PTK2B: variants seen among roughly 807,000 people sequenced by gnomAD.
PTK2B encodes protein-tyrosine kinase 2-beta.
In PTK2B, 71 loss-of-function variants were observed where a neutral mutation model predicts 142.9. The ratio of observed to expected loss-of-function variants is 0.50; its 90% confidence interval spans 0.41 to 0.61. PTK2B has a LOEUF of 0.61. Ranked by LOEUF, PTK2B falls within the 20% of genes least tolerant of loss-of-function variation. The probability of loss-of-function intolerance (pLI) is 0.00; values close to 1 mark genes in which losing one functional copy is unlikely to be tolerated. For synonymous variants in PTK2B, 519 were observed against 503.4 expected (o/e 1.03, Z -0.42); for missense variants, 1,105 against 1,320.4 (o/e 0.84, Z 2.53).
In PTK2B at chr8:27,420,378, G is replaced by A. The variant is rs565161812; in HGVS notation, c.384-279G>A. 2.6e-5 allele frequency among the ~76,000 whole-genome samples: 4 copies of A among 152,328 alleles called. No individual in the cohort carries two copies. In the East Asian group the frequency reaches 7.7e-4, roughly 29 times the overall value. ...GATGGAAAGCCCAGGTCCAGGGCTA[G>A]CCTGTGAACCTAAGAGAAACAGCTG... is the stretch of plus-strand genomic sequence containing the variant. On this transcript the variant is annotated intron_variant, in intron 3 of 30. Transcript: ENST00000346049.
intron 2 of PTK2B, among the ~76,000 whole-genome samples, chr8:27,410,245 G>C (rs1242354855): frequency 6.6e-6 from 1 of 152,240 alleles, no homozygotes; most frequent in East Asian, 1.9e-4. Flanking sequence ...GTTGATGGGA[G>C]CTCCCAAGGC....
chr8:27,327,447 A>G (rs540114154), intron 1 of PTK2B, among the ~76,000 whole-genome samples: 1 of 152,112 alleles, frequency 6.6e-6, no homozygotes, highest in Non-Finnish European at 1.5e-5. Flanking sequence ...CATGAACTAC[A>G]TGGAACATAC....
rs752254413 is a variant in PTK2B, at chr8:27,435,716, C to T, written c.1193-27C>T. Reference sequence around the variant, plus strand: ...GTGCCCACCAAGGGCATCTTGTCCACGGCTGAGCCTCTTCCTGTTGTTCCA... The same window carrying T: ...GTGCCCACCAAGGGCATCTTGTCCATGGCTGAGCCTCTTCCTGTTGTTCCA... On this transcript the variant is annotated intron_variant, in intron 13 of 30. Coordinates refer to ENST00000346049, the MANE Select transcript of PTK2B (RefSeq NM_173176.3). 69 of 1,613,642 alleles carry T rather than the reference C, an allele frequency of 4.3e-5. 1 individual carries two copies. Among genetic ancestry groups the T allele is most frequent in the Admixed American group, 2.8e-4 (17 of 60,012 alleles).
At chr8:27,455,226 C>T (rs1209649253) in intron 30 of PTK2B, among the ~76,000 whole-genome samples, 1 of 151,978 alleles carries the variant, frequency 6.6e-6, no homozygotes, top group Non-Finnish European at 1.5e-5. Flanking sequence ...CCAGTGTTGT[C>T]ACAGGGATCC....
intron 30 of PTK2B, 88 bp downstream of exon 30, chr8:27,454,699 C>G: frequency 7.3e-7 from 1 of 1,372,836 alleles, no homozygotes; most frequent in Non-Finnish European, 1.0e-6. Context: ...GCTGCCTGGG[C>G]AACCTCATGT....
upstream of PTK2B, chr8:27,311,094 A>T: frequency 6.3e-7 from 1 of 1,598,222 alleles, no homozygotes; most frequent in Non-Finnish European, 8.5e-7. Context: ...ACCTCCCAGC[A>T]GCGGCTCACG....
intron 1 of PTK2B, among the ~76,000 whole-genome samples, chr8:27,335,506 G>C (rs983897239): frequency 2.0e-5 from 3 of 151,714 alleles, no homozygotes; most frequent in African/African-American, 7.3e-5. Context: ...GCAGGAGAAT[G>C]GCTTGAACCC....
chr8:27,447,591 G>A (rs1811546863), intron 24 of PTK2B, among the ~76,000 whole-genome samples: 1 of 152,232 alleles, frequency 6.6e-6, no homozygotes, highest in African/African-American at 2.4e-5. Flanking sequence ...AGGCGTGGTG[G>A]CTCACGCCTG....
intron 1 of PTK2B, among the ~76,000 whole-genome samples, chr8:27,382,130 TAGAG>T (rs1160842040): frequency 2.6e-5 from 4 of 152,170 alleles, no homozygotes; most frequent in Admixed American, 2.0e-4. Context: ...GAATTTTTAA[TAGAG>T]AGGGGCTTTC....
intron 4 of PTK2B, among the ~76,000 whole-genome samples, chr8:27,421,217 T>A (rs1160964612): frequency 6.6e-6 from 1 of 152,200 alleles, no homozygotes; most frequent in African/African-American, 2.4e-5. Context: ...AGGGACCAGA[T>A]GATATCATTG....
chr8:27,380,562 G>A lies in PTK2B; in HGVS notation c.-37-16986G>A, dbSNP rs181835811. ...TTTTTTTTTCTCTTTTTACCCAAGC[G>A]CCTTTTTTCCCAATAAAGGGCTTGG... On this transcript the variant is annotated intron_variant, in intron 1 of 30. Coordinates refer to ENST00000346049, the MANE Select transcript of PTK2B (RefSeq NM_173176.3). The A allele has an allele frequency of 5.3e-5, 8 of 151,866 alleles. No homozygotes were observed. The East Asian group carries it at 9.7e-4, about 18-fold the overall frequency. 9.4% of individuals were successfully genotyped at this position (151,866 alleles called of 1,614,324 possible).
intron 21 of PTK2B, among the ~76,000 whole-genome samples, chr8:27,442,034 C>T (rs187700518): frequency 1.1e-3 from 175 of 152,296 alleles, no homozygotes; most frequent in African/African-American, 4.1e-3. Context: ...CTCAGACCAC[C>T]ACCTGACTCT....
intron 2 of PTK2B, among the ~76,000 whole-genome samples, chr8:27,412,909 G>A (rs2043065): frequency 0.82 from 124,334 of 152,030 alleles, 51,378 homozygotes; most frequent in Middle Eastern, 0.95. Context: ...GTGCACGGCC[G>A]TGTCTGGCCT....
At chr8:27,398,779 T>TC (rs1808212715) in intron 2 of PTK2B, among the ~76,000 whole-genome samples, 3 of 152,332 alleles carry the variant, frequency 2.0e-5, no homozygotes, top group South Asian at 2.1e-4. Context: ...GTCCCTAAAC[T>TC]CCATGAATGT....
intron 5 of PTK2B, among the ~76,000 whole-genome samples, chr8:27,424,565 A>G (rs1809957948): frequency 6.6e-6 from 1 of 152,236 alleles, no homozygotes; most frequent in African/African-American, 2.4e-5. Context: ...GATATCAGGG[A>G]GAGGATATGG....
chr8:27,429,694 G>T (rs1810288718), intron 5 of PTK2B, among the ~76,000 whole-genome samples: 1 of 152,190 alleles, frequency 6.6e-6, no homozygotes, highest in South Asian at 2.1e-4. Context: ...ATATCTCAGA[G>T]ATAGCAAATA....
chr8:27,314,239 T>C (rs1351012371), intron 3 of PTK2B, among the ~76,000 whole-genome samples: 2 of 152,254 alleles, frequency 1.3e-5, no homozygotes, highest in African/African-American at 2.4e-5. Context: ...AGTCTATCTT[T>C]AGGTCTTCAT....
chr8:27,444,496 C>T (rs1222209399), intron 23 of PTK2B, among the ~76,000 whole-genome samples: 1 of 152,084 alleles, frequency 6.6e-6, no homozygotes. Flanking sequence ...AAGCCCCATC[C>T]CTCTGTCTAC....
At chr8:27,431,984 T>C in intron 9 of PTK2B, 1 of 368,274 alleles carries the variant, frequency 2.7e-6, no homozygotes, top group Non-Finnish European at 4.8e-6. Context: ...TGTTGAGATT[T>C]TTTTGTGCGA....
Sources: gnomAD v4.1 joint callset for allele counts (sites outside exome capture counted in the v4.1 genomes callset) on GRCh38, gnomAD v4.1.1 for gene constraint, MANE v1.5 for transcripts, NCBI Gene and HGNC (gene_info 2026-07-23, HGNC 2026-07-21) for gene names.